Variants in AFF2 observed in about 807,000 individuals in gnomAD.
AFF2 encodes ALF transcription elongation factor 2.
AFF2 carries 14 observed loss-of-function variants against 76.9 expected under a neutral mutation model. That is an observed-to-expected ratio of 0.18 (90% CI 0.12 to 0.28). The LOEUF (loss-of-function observed/expected upper bound fraction) is 0.28. Among genes scored for constraint, AFF2 ranks in the 10% least tolerant of loss-of-function variants. The pLI is 1.00. For synonymous variants in AFF2, 398 were observed against 366.7 expected, an observed-to-expected ratio of 1.09 and a Z score of -0.98; for missense variants, 868 against 1,001.1, an observed-to-expected ratio of 0.87 and a Z score of 1.79.
At chrX:148,720,480 T>C (rs1328792014) in intron 3 of AFF2, among the ~76,000 whole-genome samples, 1 of 110,631 alleles carries the variant, frequency 9.0e-6, no homozygotes, top group Non-Finnish European at 1.9e-5. Context: ...ATTTTTCCCC[T>C]TTGGGCTTAT....
intron 3 of AFF2, among the ~76,000 whole-genome samples, chrX:148,721,399 C>T (rs782752571): frequency 8.9e-6 from 1 of 111,976 alleles, no homozygotes; most frequent in East Asian, 2.8e-4. Context: ...GGATAATAAT[C>T]GTCTCTACCT....
At chrX:148,541,078 A>G (rs1195154027) in intron 1 of AFF2, among the ~76,000 whole-genome samples, 2 of 112,504 alleles carry the variant, frequency 1.8e-5, no homozygotes, top group Admixed American at 1.9e-4. Context: ...ATGATATGAC[A>G]TTGCAGATTT....
chrX:148,849,368 C>G (rs2070705879), intron 7 of AFF2, among the ~76,000 whole-genome samples: 1 of 3,617 alleles, frequency 2.8e-4, no homozygotes. Context: ...CTCTCTCCTC[C>G]CCCCCCCCCC....
Position 148,997,287 on chromosome X carries a change from ACACACACACACACT to A in AFF2, c.*5969_*5982del, listed in dbSNP as rs1245469278. 1 of 107,193 alleles carries A rather than the reference ACACACACACACACT, an allele frequency of 9.3e-6. No individual in the cohort carries two copies. The highest frequency in any genetic ancestry group is 1.9e-5 in the Non-Finnish European group (1 of 52,818). 8.8% of individuals were successfully genotyped at this position (107,193 alleles called of 1,213,427 possible). On this transcript the variant is annotated 3_prime_UTR_variant, in exon 21 of 21. Coordinates refer to ENST00000370460, the MANE Select transcript of AFF2 (RefSeq NM_002025.4). ...ATATAATGAGGCTTTCATTAAATAC[ACACACACACACACT>A]CACACACACACACATACACTTTTTA...
chrX:148,502,169 G>A (rs1320824755), intron 1 of AFF2, among the ~76,000 whole-genome samples: 2 of 112,198 alleles, frequency 1.8e-5, no homozygotes, highest in Non-Finnish European at 1.9e-5. Context: ...GATGGGGAGG[G>A]GGCGCAGTGG....
At chrX:148,938,719 T>C (rs1266231696) in intron 9 of AFF2, among the ~76,000 whole-genome samples, 1 of 112,201 alleles carries the variant, frequency 8.9e-6, no homozygotes, top group East Asian at 2.8e-4. Flanking sequence ...GTAACAACAT[T>C]AGTAACATGC....
chrX:148,678,846 G>A (rs912514103), intron 3 of AFF2, among the ~76,000 whole-genome samples: 7 of 111,763 alleles, frequency 6.3e-5, no homozygotes, highest in Non-Finnish European at 1.3e-4. Context: ...TAGCTACAGT[G>A]TGTTATTGAA....
chrX:148,708,545 G>T (rs1178427171), intron 3 of AFF2, among the ~76,000 whole-genome samples: 3 of 111,802 alleles, frequency 2.7e-5, no homozygotes, highest in Non-Finnish European at 5.6e-5. Context: ...GTGCAAAATG[G>T]ATCACTTCAG....
At position 148,958,467 on chromosome X, in the gene AFF2, G is replaced by T. The variant is rs1557287653; in HGVS notation, c.2690+9G>T. The T allele has an allele frequency of 1.8e-5, 22 of 1,203,275 alleles. No individual in the cohort carries two copies. Among genetic ancestry groups the T allele is most frequent in the East Asian group, 3.0e-5 (1 of 33,550 alleles). ...CCTCCCAACACTAGAGAGTGAGTTT[G>T]CCCTGGCCCTGTCTGATGGCTTGGT... is the stretch of plus-strand genomic sequence containing the variant. On this transcript the variant is annotated intron_variant, in intron 12 of 20. Transcript: ENST00000370460.
chrX:148,542,146 A>G (rs1027744837), intron 1 of AFF2, among the ~76,000 whole-genome samples: 11 of 109,941 alleles, frequency 1.0e-4, no homozygotes, highest in Non-Finnish European at 1.9e-4. Context: ...TCTTTTAAAA[A>G]CAATGGCGGT....
chrX:148,897,271 A>ATATATCCATATGTG (rs2071303125), intron 8 of AFF2, among the ~76,000 whole-genome samples: 1 of 15,893 alleles, frequency 6.3e-5, no homozygotes, highest in Non-Finnish European at 9.6e-5. Context: ...ATATATATAT[A>ATATATCCATATGTG]TGTATATGAA....
chrX:148,718,103 C>T (rs1006717919), intron 3 of AFF2, among the ~76,000 whole-genome samples: 12 of 108,862 alleles, frequency 1.1e-4, no homozygotes, highest in Non-Finnish European at 2.3e-4. Flanking sequence ...CCTTTTGTAA[C>T]ATCAGTGAAG....
At chrX:148,968,407 T>G (rs1557289104) in intron 15 of AFF2, among the ~76,000 whole-genome samples, 1 of 111,583 alleles carries the variant, frequency 9.0e-6, no homozygotes, top group African/African-American at 3.3e-5. Flanking sequence ...AAATAAGAAT[T>G]TCTGGGACTG....
chrX:148,679,538 A>G (rs1377806179), intron 3 of AFF2, among the ~76,000 whole-genome samples: 1 of 111,768 alleles, frequency 8.9e-6, no homozygotes, highest in Non-Finnish European at 1.9e-5. Flanking sequence ...TAAAATTTAA[A>G]TGGGATAAAA....
intron 3 of AFF2, among the ~76,000 whole-genome samples, chrX:148,776,981 G>T (rs1208864364): frequency 8.9e-6 from 1 of 111,742 alleles, no homozygotes; most frequent in Non-Finnish European, 1.9e-5. Flanking sequence ...GGGTTTTTAC[G>T]GTTTTAGTTC....
intron 3 of AFF2, among the ~76,000 whole-genome samples, chrX:148,741,629 T>G (rs2055355938): frequency 9.0e-6 from 1 of 111,036 alleles, no homozygotes; most frequent in Non-Finnish European, 1.9e-5. Context: ...CTTGCAGGAT[T>G]GGCGCCCTCC....
intron 1 of AFF2, among the ~76,000 whole-genome samples, chrX:148,645,947 A>G (rs1241416516): frequency 8.9e-6 from 1 of 112,135 alleles, no homozygotes; most frequent in East Asian, 2.8e-4. Context: ...AATATTATTT[A>G]ACTATAAAAA....
intron 3 of AFF2, among the ~76,000 whole-genome samples, chrX:148,726,589 C>T (rs1452464536): frequency 8.9e-6 from 1 of 111,835 alleles, no homozygotes; most frequent in East Asian, 2.8e-4. Context: ...ATCAGTATGA[C>T]CCCATTTGGC....
chrX:148,617,153 AC>A (rs1466890311), intron 1 of AFF2, among the ~76,000 whole-genome samples: 1 of 111,384 alleles, frequency 9.0e-6, no homozygotes, highest in Non-Finnish European at 1.9e-5. Context: ...CGCCACACTG[AC>A]CTCCACAATG....
Sources: gnomAD v4.1 joint callset for allele counts (sites outside exome capture counted in the v4.1 genomes callset) on GRCh38, gnomAD v4.1.1 for gene constraint, MANE v1.5 for transcripts, NCBI Gene and HGNC (gene_info 2026-07-23, HGNC 2026-07-21) for gene names.